DNAJC8: variants seen among roughly 807,000 people sequenced by gnomAD.
DNAJC8 encodes dnaJ homolog subfamily C member 8.
A neutral mutation model predicts 43.2 loss-of-function variants in DNAJC8; 24 were observed. The ratio of observed to expected loss-of-function variants is 0.56; its 90% CI spans 0.40 to 0.78. DNAJC8 has a LOEUF of 0.78. Ranked by LOEUF, DNAJC8 falls within the 30% of genes least tolerant of loss-of-function variation. The pLI is 0.00. For synonymous variants in DNAJC8, 83 were observed against 98.0 expected (o/e 0.85, Z 0.90); for missense variants, 207 against 299.4 (o/e 0.69, Z 2.28).
chr1:28,219,470 C>T (rs1646884244), intron 2 of DNAJC8, among the ~76,000 whole-genome samples: 1 of 152,178 alleles, frequency 6.6e-6, no homozygotes, highest in Non-Finnish European at 1.5e-5. Flanking sequence ...GATCGTGCCA[C>T]TGCACTCCAG....
chr1:28,221,901 T>C (rs769823794), intron 2 of DNAJC8, among the ~76,000 whole-genome samples: 1 of 152,166 alleles, frequency 6.6e-6, no homozygotes, highest in Non-Finnish European at 1.5e-5. Context: ...CAGATTACCA[T>C]TCAGCCTTAA....
Position 28,224,784 on chromosome 1 carries a change from TGA to T in DNAJC8, c.180+4136_180+4137del, listed in dbSNP as rs367742872. Among the ~76,000 whole-genome samples, 555 of 152,202 alleles carry T rather than the reference TGA, an allele frequency of 3.6e-3. 2 individuals carry two copies. Among genetic ancestry groups the T allele is most frequent in the African/African-American group, 0.012 (514 of 41,544 alleles). ...CTGTAATCCCAGCAACCAGGGAGGCTGAGTCAGGAGAATCACTTGAACCCGTG... is the reference window on the plus strand; with the variant it reads ...CTGTAATCCCAGCAACCAGGGAGGCTGTCAGGAGAATCACTTGAACCCGTG... On this transcript the variant is annotated intron_variant, in intron 2 of 8. Transcript: ENST00000263697.
intron 8 of DNAJC8, 46 bp downstream of exon 8, chr1:28,203,701 C>A (rs1322793128): frequency 1.3e-6 from 2 of 1,594,752 alleles, no homozygotes; most frequent in Admixed American, 3.3e-5. Flanking sequence ...AGGAACCAAG[C>A]TGCCTTATTC....
intron 4 of DNAJC8, 51 bp from the exon 5 acceptor site, chr1:28,210,117 C>T (rs1374516602): frequency 6.7e-7 from 1 of 1,500,180 alleles, no homozygotes; most frequent in African/African-American, 1.4e-5. Flanking sequence ...CTCTGAAAGT[C>T]TGAACTATAC....
chr1:28,231,957 C>T (rs1572073832), intron 1 of DNAJC8, among the ~76,000 whole-genome samples: 1 of 152,024 alleles, frequency 6.6e-6, no homozygotes, highest in Non-Finnish European at 1.5e-5. Flanking sequence ...CTAGTAGAGA[C>T]GGGGTTTCAC....
intron 2 of DNAJC8, among the ~76,000 whole-genome samples, chr1:28,216,923 C>T (rs1482214151): frequency 6.6e-6 from 1 of 151,414 alleles, no homozygotes; most frequent in African/African-American, 2.4e-5. Flanking sequence ...ATTCTCCTGC[C>T]TCAGACTCTC....
At chr1:28,202,501 G>A (rs1371305693) in intron 8 of DNAJC8, among the ~76,000 whole-genome samples, 2 of 149,648 alleles carry the variant, frequency 1.3e-5, no homozygotes, top group Non-Finnish European at 3.0e-5. Context: ...GGATGGTTTC[G>A]ATCTCCTGAC....
chr1:28,208,296 G>T, intron 6 of DNAJC8, 46 bp downstream of exon 6: 1 of 1,469,888 alleles, frequency 6.8e-7, no homozygotes, highest in Non-Finnish European at 9.3e-7. Context: ...CCAATTCGTA[G>T]ACACAATCAC....
At chr1:28,214,426 T>A (rs1215624496) in intron 3 of DNAJC8, among the ~76,000 whole-genome samples, 1 of 151,918 alleles carries the variant, frequency 6.6e-6, no homozygotes, top group African/African-American at 2.4e-5. Context: ...ACCAGCTACC[T>A]GGGAGGCTGA....
In DNAJC8 at chr1:28,225,202, T is replaced by C. The variant is rs545022631; in HGVS notation, c.180+3720A>G. ...TAGTAACAATGTATCAGGGTTCATT[T>C]CCTGATTTTGATAGTTTATATTGTG... On this transcript the variant is annotated intron_variant, in intron 2 of 8. Transcript: ENST00000263697. Among the ~76,000 whole-genome samples, 121 of 151,468 alleles carry C rather than the reference T, an allele frequency of 8.0e-4. 4 individuals are homozygous for C. Among genetic ancestry groups the C allele is most frequent in the Middle Eastern group, 7.0e-3 (2 of 286 alleles).
intron 1 of DNAJC8, among the ~76,000 whole-genome samples, chr1:28,230,857 T>C (rs1250296534): frequency 1.3e-5 from 2 of 152,220 alleles, no homozygotes; most frequent in Non-Finnish European, 2.9e-5. Context: ...TAACAAGTAC[T>C]GTTACAATTG....
intron 8 of DNAJC8, among the ~76,000 whole-genome samples, chr1:28,202,740 C>T (rs1245898576): frequency 6.6e-6 from 1 of 151,372 alleles, no homozygotes; most frequent in East Asian, 1.9e-4. Flanking sequence ...GCCACCACAC[C>T]TGGCTAATTT....
intron 7 of DNAJC8, among the ~76,000 whole-genome samples, chr1:28,204,101 C>A (rs1646754152): frequency 6.6e-6 from 1 of 152,146 alleles, no homozygotes; most frequent in African/African-American, 2.4e-5. Context: ...AGGTTTTGGG[C>A]TCTTTCAGTG....
At chr1:28,202,514 C>T (rs1420751697) in intron 8 of DNAJC8, among the ~76,000 whole-genome samples, 1 of 151,194 alleles carries the variant, frequency 6.6e-6, no homozygotes, top group African/African-American at 2.4e-5. Flanking sequence ...CTCCTGACCT[C>T]ATGATCCGCC....
At chr1:28,215,932 T>A (rs1478378953) in intron 2 of DNAJC8, among the ~76,000 whole-genome samples, 1 of 151,840 alleles carries the variant, frequency 6.6e-6, no homozygotes, top group Non-Finnish European at 1.5e-5. Context: ...TAATCATAGG[T>A]CACTGCAGCC....
chr1:28,206,762 C>T (rs1056834364), intron 6 of DNAJC8, among the ~76,000 whole-genome samples: 1 of 152,030 alleles, frequency 6.6e-6, no homozygotes, highest in African/African-American at 2.4e-5. Context: ...TTAATAGTGC[C>T]TAAATTCTAA....
intron 5 of DNAJC8, 50 bp from the exon 6 acceptor site, chr1:28,208,463 T>C (rs1250964936): frequency 2.2e-6 from 3 of 1,390,444 alleles, no homozygotes; most frequent in African/African-American, 1.4e-5. Context: ...GCTTTGAGAA[T>C]ATCCACTGGG....
intron 2 of DNAJC8, among the ~76,000 whole-genome samples, chr1:28,216,214 G>C (rs1426690194): frequency 6.6e-6 from 1 of 152,034 alleles, no homozygotes; most frequent in Non-Finnish European, 1.5e-5. Context: ...CAGGCGTAGT[G>C]GCGCATGAAA....
At chr1:28,230,113 A>G (rs1334629514) in intron 1 of DNAJC8, 2 of 152,136 alleles carry the variant, frequency 1.3e-5, no homozygotes, top group South Asian at 2.1e-4. Flanking sequence ...AAAGAAAGAA[A>G]AAAGAAAAAT....
Sources: allele counts gnomAD v4.1 joint callset (sites outside exome capture counted in the v4.1 genomes callset), GRCh38; gene constraint gnomAD v4.1.1; transcripts MANE v1.5; gene names NCBI Gene and HGNC (gene_info 2026-07-23, HGNC 2026-07-21).